NAALAD2: variants seen among roughly 807,000 people sequenced by gnomAD.
NAALAD2 encodes the protein N-acetylated alpha-linked acidic dipeptidase 2.
NAALAD2 carries 89 observed loss-of-function variants against 95.6 expected under a neutral mutation model. That is an observed-to-expected ratio of 0.93 (90% CI 0.78 to 1.11). The LOEUF is 1.11. Ranked by LOEUF, NAALAD2 falls within the 50% of genes least tolerant of loss-of-function variation. The pLI, the probability that NAALAD2 is intolerant of heterozygous loss-of-function variation, is 0.00. For missense variants in NAALAD2, 894 were observed against 872.4 expected (o/e 1.02, Z -0.31); for synonymous variants, 264 against 294.4 (o/e 0.90, Z 1.06).
At chr11:90,161,870 A>G (rs1205884305) in intron 8 of NAALAD2, among the ~76,000 whole-genome samples, 1 of 152,036 alleles carries the variant, frequency 6.6e-6, no homozygotes, top group African/African-American at 2.4e-5. Context: ...CTTTTCTGCT[A>G]TTAATTTTCA....
At chr11:90,151,957 G>A (rs1951898722) in intron 5 of NAALAD2, among the ~76,000 whole-genome samples, 2 of 152,168 alleles carry the variant, frequency 1.3e-5, no homozygotes, top group South Asian at 2.1e-4. Context: ...AGCCTAATAG[G>A]AGAGATAGAT....
Position 90,191,577 on chromosome 11 carries a change from A to G in NAALAD2, c.2053A>G (p.Ser685Gly). 1 of 1,591,522 alleles carries G rather than the reference A, an allele frequency of 6.3e-7. No individual in the cohort carries two copies. The highest frequency in any genetic ancestry group is 8.5e-7 in the Non-Finnish European group (1 of 1,170,008). The change falls in exon 19 of 19, where the codon AGT (serine) becomes GGT (glycine). Residue 685 changes from serine (S) to glycine (G), a missense_variant. Ser to Gly is a moderately conservative substitution (Grantham distance 56, BLOSUM62 0). Transcript: ENST00000534061. ...LFYRHIIFAP[S>G]SHNKYAGESF... ...TTTTAGGCACATCATATTTGCTCCA[A>G]GTAGCCACAACAAATATGCTGGAGA...
At chr11:90,171,678 T>C (rs1485593301) in intron 13 of NAALAD2, among the ~76,000 whole-genome samples, 1 of 152,216 alleles carries the variant, frequency 6.6e-6, no homozygotes, top group Non-Finnish European at 1.5e-5. Context: ...TTTACTCTCC[T>C]GTAAACTGAT....
rs756897162 is a variant in NAALAD2 at position 90,135,498 on chromosome 11, T to G, written c.83-61T>G. On this transcript the variant is annotated intron_variant, in intron 1 of 18. Transcript: ENST00000534061. ...AAGGACAGAGGGGTGGCTTCTAGTTTTAATAAAGTCAAAGTGATTTTGTGT... is the reference window on the plus strand; with the variant it reads ...AAGGACAGAGGGGTGGCTTCTAGTTGTAATAAAGTCAAAGTGATTTTGTGT... 1,373 of 1,225,658 alleles carry G rather than the reference T, an allele frequency of 1.1e-3. 1 individual carries two copies. The highest frequency in any genetic ancestry group is 1.5e-3 in the Non-Finnish European group (1,293 of 876,928). The allele number at this position is 1,225,658 out of a possible 1,614,324, so 75.9% of individuals were successfully genotyped here. A position where few individuals can be genotyped will look rare whatever the true frequency, so the allele number is the denominator to read the frequency against.
rs1324388896 is a variant in NAALAD2, at chr11:90,174,581, T to G, written c.1502+666T>G. On this transcript the variant is annotated intron_variant, in intron 14 of 18. Transcript: ENST00000534061. ...ATGAAAAGACAAATGCTAGATTATT[T>G]GCTTGTAAATTTATTAAGGAACATT... is the stretch of plus-strand genomic sequence containing the variant. 2.0e-5 allele frequency among the ~76,000 whole-genome samples: 3 copies of G among 152,232 alleles called. No homozygotes were observed. The East Asian group carries it at 5.8e-4, about 29-fold the overall frequency.
rs147884512 is a variant in NAALAD2, at chr11:90,150,509, C to T, written c.511C>T (p.Arg171Cys). ...AGATCTTGTATATGTGAACTATGCT[C>T]GCACTGAAGACTTTTTCAAACTAGA... ...EGDLVYVNYA[R>C]TEDFFKLERE... The change falls in exon 5 of 19, where the codon CGC (arginine) becomes TGC (cysteine). Residue 171 changes from arginine to cysteine, a missense_variant. Transcript: ENST00000534061. 40 of 1,609,546 alleles carry T rather than the reference C, an allele frequency of 2.5e-5. No homozygotes were observed. The Admixed American group carries it at 4.5e-4, about 18-fold the overall frequency.
In NAALAD2 at chr11:90,148,564, A is replaced by G. The variant is rs1458945335; in HGVS notation, c.382-442A>G. On this transcript the variant is annotated intron_variant, in intron 3 of 18. Coordinates refer to ENST00000534061, the MANE Select transcript of NAALAD2 (RefSeq NM_005467.4). Reference sequence around the variant, plus strand: ...ATATGAATCTGAAAAGGTAAGCATCATAAGCATATTAGCTATTGGTAAAAT... The same window carrying G: ...ATATGAATCTGAAAAGGTAAGCATCGTAAGCATATTAGCTATTGGTAAAAT... Among the ~76,000 whole-genome samples the G allele has an allele frequency of 2.0e-5, 3 of 152,340 alleles. No individual in the cohort carries two copies. In the East Asian group the frequency reaches 5.8e-4, roughly 29 times the overall value.
In NAALAD2 at chr11:90,190,517, C is replaced by A. The variant is rs1174218011; in HGVS notation, c.2034-1041C>A. ...TTCAAAGGTTATTCGCTTCCTATATCAAATTTTTTTTGCTATATTCTTCCT... is the reference window on the plus strand; with the variant it reads ...TTCAAAGGTTATTCGCTTCCTATATAAAATTTTTTTTGCTATATTCTTCCT... On this transcript the variant is annotated intron_variant, in intron 18 of 18. Transcript: ENST00000534061. Among the ~76,000 whole-genome samples, 5 of 152,196 alleles carry A rather than the reference C, an allele frequency of 3.3e-5. No homozygotes were observed. In the East Asian group the frequency reaches 7.7e-4, roughly 24 times the overall value.
Position 90,168,911 on chromosome 11 carries a change from A to G in NAALAD2, c.1279-18A>G. 12 of 1,587,366 alleles carry G rather than the reference A, an allele frequency of 7.6e-6. No homozygotes were observed. Among genetic ancestry groups the G allele is most frequent in the Non-Finnish European group, 1.0e-5 (12 of 1,165,140 alleles). ...ACTAAGTAATGTGAATTAAGTAACA[A>G]CTTTGCTTCAACTACAGGAGAATGT... On this transcript the variant is annotated intron_variant, in intron 11 of 18. Coordinates refer to ENST00000534061, the MANE Select transcript of NAALAD2 (RefSeq NM_005467.4).
chr11:90,185,016 G>C (rs987519561), intron 18 of NAALAD2, among the ~76,000 whole-genome samples: 1 of 152,066 alleles, frequency 6.6e-6, no homozygotes, highest in Non-Finnish European at 1.5e-5. Flanking sequence ...GGGAGGACTT[G>C]TATATGTCAT....
chr11:90,174,053 C>T lies in NAALAD2; in HGVS notation c.1502+138C>T, dbSNP rs1056804020. The T allele has an allele frequency of 7.2e-5, 49 of 676,214 alleles. 2 individuals carry two copies. The highest frequency in any genetic ancestry group is 1.4e-4 in the East Asian group (5 of 35,442). The allele number at this position is 676,214 out of a possible 1,614,324, so 41.9% of individuals were successfully genotyped here. A position where few individuals can be genotyped will look rare whatever the true frequency, so the allele number is the denominator to read the frequency against. On this transcript the variant is annotated intron_variant, in intron 14 of 18. Coordinates refer to ENST00000534061, the MANE Select transcript of NAALAD2 (RefSeq NM_005467.4). The stretch of plus-strand genomic sequence containing the variant: ...GAAAAGATAATGAAGAATTCCTGGC[C>T]GAGCCCAGTAGCTCACGCCTATAAT...
intron 6 of NAALAD2, among the ~76,000 whole-genome samples, chr11:90,152,892 TTG>T (rs1394951388): frequency 6.7e-6 from 1 of 150,348 alleles, no homozygotes; most frequent in African/African-American, 2.5e-5. Flanking sequence ...AAATGAGTTT[TTG>T]TGTTATTTAA....
upstream of NAALAD2, chr11:90,134,639 T>A (rs1951408296): frequency 1.1e-6 from 1 of 902,832 alleles, no homozygotes; most frequent in African/African-American, 1.6e-5. Context: ...GGCGTGGCCT[T>A]GCGAAGGTCA....
intron 11 of NAALAD2, among the ~76,000 whole-genome samples, chr11:90,168,181 G>A (rs186136504): frequency 6.6e-6 from 1 of 152,248 alleles, no homozygotes; most frequent in African/African-American, 2.4e-5. Flanking sequence ...TCACCGTGAA[G>A]GTCTGCAGCT....
At chr11:90,184,697 C>T (rs1465036446) in intron 18 of NAALAD2, among the ~76,000 whole-genome samples, 1 of 151,938 alleles carries the variant, frequency 6.6e-6, no homozygotes, top group Non-Finnish European at 1.5e-5. Flanking sequence ...AGCATTCCCC[C>T]CTTGCCCCCT....
rs540570339 is a variant in NAALAD2, at chr11:90,143,860, T to A, written c.195-3470T>A. Among the ~76,000 whole-genome samples the A allele has an allele frequency of 1.7e-3, 264 of 152,304 alleles. 2 individuals are homozygous for A. The highest frequency in any genetic ancestry group is 6.3e-3 in the African/African-American group (261 of 41,570). On this transcript the variant is annotated intron_variant, in intron 2 of 18. Transcript: ENST00000534061. ...ATAGGAACATAACCTCACCATAAGTTGAGTAGTATCTCTATTTTCTACCCA... is the reference window on the plus strand; with the variant it reads ...ATAGGAACATAACCTCACCATAAGTAGAGTAGTATCTCTATTTTCTACCCA...
At chr11:90,171,421 T>C (rs145553583) in intron 13 of NAALAD2, among the ~76,000 whole-genome samples, 38 of 152,322 alleles carry the variant, frequency 2.5e-4, no homozygotes, top group African/African-American at 8.4e-4. Context: ...GATCCTTTCA[T>C]TGGAATGTTC....
chr11:90,172,883 G>C (rs1952681780), intron 13 of NAALAD2, among the ~76,000 whole-genome samples: 1 of 152,124 alleles, frequency 6.6e-6, no homozygotes, highest in African/African-American at 2.4e-5. Context: ...ATTATCCCCA[G>C]TTTTACAGGT....
At chr11:90,136,974 A>G (rs903205190) in intron 2 of NAALAD2, among the ~76,000 whole-genome samples, 5 of 152,202 alleles carry the variant, frequency 3.3e-5, no homozygotes, top group Non-Finnish European at 7.4e-5. Context: ...CTGATGATCA[A>G]CTTCCATCAA....
Sources: allele counts gnomAD v4.1 joint callset (sites outside exome capture counted in the v4.1 genomes callset), GRCh38; gene constraint gnomAD v4.1.1; transcripts MANE v1.5; gene names NCBI Gene and HGNC (gene_info 2026-07-23, HGNC 2026-07-21).